Variants in PLCG2 observed in about 807,000 individuals in gnomAD.
PLCG2 encodes the protein phospholipase C gamma 2.
A neutral mutation model predicts 175.6 loss-of-function variants in PLCG2; 69 were observed. That is an observed-to-expected ratio of 0.39 (90% confidence interval 0.32 to 0.48). The LOEUF (loss-of-function observed/expected upper bound fraction) is 0.48. Among genes scored for constraint, PLCG2 ranks in the 20% least tolerant of loss-of-function variants. The pLI is 0.91. For missense variants in PLCG2, 1,798 were observed against 1,650.9 expected, an observed-to-expected ratio of 1.09 and a Z score of -1.54; for synonymous variants, 827 against 624.0, an observed-to-expected ratio of 1.33 and a Z score of -4.85.
chr16:81,852,941 C>T (rs1484238634), intron 2 of PLCG2, among the ~76,000 whole-genome samples: 1 of 152,144 alleles, frequency 6.6e-6, no homozygotes, highest in Admixed American at 6.6e-5. Flanking sequence ...CTAACTTGGG[C>T]TTCTTACAGC....
chr16:81,784,776 C>T (rs752938521), intron 1 of PLCG2, among the ~76,000 whole-genome samples: 1 of 152,052 alleles, frequency 6.6e-6, no homozygotes, highest in Non-Finnish European at 1.5e-5. Flanking sequence ...TGGAAATGAG[C>T]CCAGAGGATC....
chr16:81,851,601 C>T (rs1906414826), intron 2 of PLCG2, among the ~76,000 whole-genome samples: 1 of 152,190 alleles, frequency 6.6e-6, no homozygotes, highest in Non-Finnish European at 1.5e-5. Flanking sequence ...CAACCTCCGC[C>T]TCCCGAGTTC....
rs567386915 is a variant in PLCG2 at position 81,832,604 on chromosome 16, G to A, written c.194-21840G>A. Among the ~76,000 whole-genome samples the A allele has an allele frequency of 9.7e-4, 148 of 152,274 alleles. 1 individual carries two copies. The highest frequency in any genetic ancestry group is 8.8e-4 in the Non-Finnish European group (60 of 68,028). Reference sequence around the variant, plus strand: ...TTTTTTGTGGAGATGGGATTTTGCCGTGTTGCCCAGGCTGGTCTTAAACTG... The same window carrying A: ...TTTTTTGTGGAGATGGGATTTTGCCATGTTGCCCAGGCTGGTCTTAAACTG... On this transcript the variant is annotated intron_variant, in intron 2 of 32. Coordinates refer to ENST00000564138, the MANE Select transcript of PLCG2 (RefSeq NM_002661.5).
At chr16:81,874,793 T>C (rs1907685543) in intron 7 of PLCG2, among the ~76,000 whole-genome samples, 1 of 152,058 alleles carries the variant, frequency 6.6e-6, no homozygotes, top group African/African-American at 2.4e-5. Context: ...TTTCCAAAAG[T>C]TTGGCAGCAG....
intron 1 of PLCG2, among the ~76,000 whole-genome samples, chr16:81,749,467 C>T (rs770389457): frequency 5.9e-5 from 9 of 152,128 alleles, no homozygotes; most frequent in Non-Finnish European, 4.4e-5. Flanking sequence ...ATTCTCCTGC[C>T]TCAGCCTCCT....
At chr16:81,890,059 G>C (rs1031553843) in intron 10 of PLCG2, among the ~76,000 whole-genome samples, 1 of 152,126 alleles carries the variant, frequency 6.6e-6, no homozygotes, top group African/African-American at 2.4e-5. Flanking sequence ...TGTGCTTCTG[G>C]GTGGGGCCAC....
intron 1 of PLCG2, among the ~76,000 whole-genome samples, chr16:81,781,028 G>GACAAACAA (rs112007343): frequency 0.026 from 3,900 of 150,830 alleles, 253 homozygotes; most frequent in East Asian, 0.2. Flanking sequence ...TCCATCTCAA[G>GACAAACAA]ACAAACAAAC....
intron 2 of PLCG2, among the ~76,000 whole-genome samples, chr16:81,815,464 C>A (rs77956945): frequency 6.6e-6 from 1 of 152,240 alleles, no homozygotes; most frequent in Admixed American, 6.5e-5. Flanking sequence ...GAGACCACCC[C>A]CTAGAGGCTT....
intron 2 of PLCG2, among the ~76,000 whole-genome samples, chr16:81,817,565 C>G (rs1379335409): frequency 3.9e-5 from 6 of 152,202 alleles, no homozygotes; most frequent in Admixed American, 1.3e-4. Context: ...CAAGAGCCCT[C>G]AAACTGCACC....
rs182680859 is a variant in PLCG2, at chr16:81,961,025, T to C, written c.*3027T>C. 3.8e-3 allele frequency: 877 copies of C among 231,224 alleles called. 1 individual carries two copies. The highest frequency in any genetic ancestry group is 4.4e-3 in the Non-Finnish European group (512 of 116,818). The allele number at this position is 231,224 out of a possible 1,614,324, so 14.3% of individuals were successfully genotyped here. A position where few individuals can be genotyped will look rare whatever the true frequency, so the allele number is the denominator to read the frequency against. On this transcript the variant is annotated 3_prime_UTR_variant, in exon 33 of 33. Transcript: ENST00000564138. Reference sequence around the variant, plus strand: ...TGTAAAAATTCAAAATGTGGATATTTGGAAAGTGAAAGACTTATCAACAGG... The same window carrying C: ...TGTAAAAATTCAAAATGTGGATATTCGGAAAGTGAAAGACTTATCAACAGG...
chr16:81,751,085 A>G (rs1909804086), intron 1 of PLCG2, among the ~76,000 whole-genome samples: 1 of 137,744 alleles, frequency 7.3e-6, no homozygotes, highest in South Asian at 2.3e-4. Flanking sequence ...GGTTTAAGTG[A>G]TTCTCCTGCC....
At chr16:81,934,625 C>G (rs374121323) in intron 26 of PLCG2, 94 bp downstream of exon 26, 55 of 795,386 alleles carry the variant, frequency 6.9e-5, no homozygotes, top group African/African-American at 4.2e-4. Context: ...AGAGTGCATT[C>G]TCTCATTCTT....
At chr16:81,797,349 T>C (rs1911515764) in intron 2 of PLCG2, among the ~76,000 whole-genome samples, 1 of 152,236 alleles carries the variant, frequency 6.6e-6, no homozygotes, top group African/African-American at 2.4e-5. Flanking sequence ...GGTTTTTGTA[T>C]ATCAGGCTCG....
chr16:81,896,832 C>G (rs1908913250), intron 13 of PLCG2, among the ~76,000 whole-genome samples: 1 of 152,086 alleles, frequency 6.6e-6, no homozygotes. Flanking sequence ...ATGGTCATCC[C>G]CATTTAACAG....
chr16:81,860,776 G>T (rs1906940743), intron 5 of PLCG2, among the ~76,000 whole-genome samples: 3 of 152,226 alleles, frequency 2.0e-5, no homozygotes. Flanking sequence ...TTCGAGACCA[G>T]CCTGGGCAAC....
chr16:81,887,671 C>G (rs1195078052), intron 9 of PLCG2, among the ~76,000 whole-genome samples: 1 of 152,298 alleles, frequency 6.6e-6, no homozygotes, highest in South Asian at 2.1e-4. Context: ...TGCATCCAGC[C>G]CTTCCCATCT....
At chr16:81,769,371 G>A (rs1037509196) in intron 2 of PLCG2, among the ~76,000 whole-genome samples, 2 of 152,174 alleles carry the variant, frequency 1.3e-5, no homozygotes, top group African/African-American at 4.8e-5. Context: ...GAATGATAGC[G>A]GCGGGCGGCA....
intron 22 of PLCG2, among the ~76,000 whole-genome samples, chr16:81,924,351 A>C (rs1910174986): frequency 6.6e-6 from 1 of 152,278 alleles, no homozygotes; most frequent in Non-Finnish European, 1.5e-5. Flanking sequence ...TAGGAATCTG[A>C]ATAGCAGCAT....
chr16:81,944,912 A>G (rs2143751245), intron 30 of PLCG2, among the ~76,000 whole-genome samples: 1 of 152,350 alleles, frequency 6.6e-6, no homozygotes, highest in East Asian at 1.9e-4. Context: ...TGGGTATACA[A>G]GTAATCCTTG....
Sources: gnomAD v4.1 joint callset for allele counts (sites outside exome capture counted in the v4.1 genomes callset) on GRCh38, gnomAD v4.1.1 for gene constraint, MANE v1.5 for transcripts, NCBI Gene and HGNC (gene_info 2026-07-23, HGNC 2026-07-21) for gene names.